The following DNASE1 variants were observed in gnomAD, a reference collection of about 807,000 sequenced individuals.
The protein encoded by DNASE1 is deoxyribonuclease 1.
DNASE1 carries 40 observed loss-of-function variants against 33.9 expected under a neutral mutation model. That is an observed-to-expected ratio of 1.18 (90% CI 0.92 to 1.54). The LOEUF (loss-of-function observed/expected upper bound fraction) is 1.54, where lower values mean the gene tolerates loss of function less well. Among genes scored for constraint, DNASE1 ranks in the 40% most tolerant of loss-of-function variants. The pLI is 0.00. For missense variants in DNASE1, 518 were observed against 372.6 expected, an observed-to-expected ratio of 1.39 and a Z score of -3.21; for synonymous variants, 216 against 160.0, an observed-to-expected ratio of 1.35 and a Z score of -2.64.
chr16:3,622,266 T>G (rs1408458460), intron 1 of DNASE1, among the ~76,000 whole-genome samples: 2 of 146,182 alleles, frequency 1.4e-5, no homozygotes, highest in Non-Finnish European at 3.0e-5. Context: ...CCGTTAACAA[T>G]GAATGTCTTT....
intron 1 of DNASE1, among the ~76,000 whole-genome samples, chr16:3,635,758 C>T (rs956208062): frequency 1.3e-5 from 2 of 151,138 alleles, no homozygotes; most frequent in Non-Finnish European, 2.9e-5. Context: ...ACTGTTTTCC[C>T]TTGAATAATT....
chr16:3,620,537 ATTATAC>A (rs1313258417), intron 1 of DNASE1, among the ~76,000 whole-genome samples: 2 of 151,910 alleles, frequency 1.3e-5, no homozygotes, highest in African/African-American at 4.8e-5. Context: ...AAAAAAAGTA[ATTATAC>A]TATGCATATT....
chr16:3,638,102 TGA>T (rs1314041767), upstream of DNASE1, among the ~76,000 whole-genome samples: 2 of 125,386 alleles, frequency 1.6e-5, no homozygotes, highest in South Asian at 2.6e-4. Flanking sequence ...CCAGTTTTTG[TGA>T]GTGTGTGTGT....
chr16:3,655,425 C>T lies in DNASE1; in HGVS notation c.52C>T (p.Gln18Ter), dbSNP rs1453613578. 5 of 1,613,940 alleles carry T rather than the reference C, an allele frequency of 3.1e-6. No individual in the cohort carries two copies. In the African/African-American group the frequency reaches 4.0e-5, roughly 13 times the overall value. ...GCTGCTGGCACTGGCGGCCCTACTG[C>T]AGGGGGCCGTGTCCCTGAAGATCGC... ...GALLALAALL[Q>*]GAVSLKIAAF... is the part of the protein sequence containing the mutation. The change falls in exon 2 of 9, where the codon CAG becomes TAG. Residue 18 changes from glutamine to a stop codon, truncating the protein, a stop_gained. Transcript: ENST00000246949. LOFTEE classifies it high-confidence loss of function.
downstream of DNASE1, chr16:3,662,197 T>TA: frequency 1.3e-6 from 2 of 1,561,212 alleles, no homozygotes; most frequent in East Asian, 2.3e-5. Context: ...GGCAGGATCT[T>TA]ACCAGGGGTG....
intron 1 of DNASE1, among the ~76,000 whole-genome samples, chr16:3,629,016 A>G (rs1184415004): frequency 6.6e-6 from 1 of 150,848 alleles, no homozygotes; most frequent in East Asian, 2.0e-4. Flanking sequence ...TACTAAAAAT[A>G]CAAACATTTG....
exon 10 of DNASE1, chr16:3,664,757 G>C: frequency 5.6e-6 from 2 of 360,146 alleles, no homozygotes; most frequent in Non-Finnish European, 1.0e-5. Flanking sequence ...AGCAGAGCCC[G>C]GCCTGGACCC....
At chr16:3,642,078 T>C (rs1363267936), upstream of DNASE1, among the ~76,000 whole-genome samples, 1 of 152,168 alleles carries the variant, frequency 6.6e-6, no homozygotes, top group African/African-American at 2.4e-5. Flanking sequence ...TAGTGCAGAC[T>C]AGCACAGAGT....
downstream of DNASE1, chr16:3,661,581 G>A (rs151026140): frequency 6.2e-3 from 1,062 of 171,406 alleles, 8 homozygotes; most frequent in Non-Finnish European, 0.011. Context: ...GACATTATTC[G>A]GCTATGAAAA....
At chr16:3,613,130 C>T (rs2040967812) in intron 1 of DNASE1, among the ~76,000 whole-genome samples, 1 of 152,142 alleles carries the variant, frequency 6.6e-6, no homozygotes, top group Non-Finnish European at 1.5e-5. Flanking sequence ...TTCGTAGTCA[C>T]TCCGCAATTC....
chr16:3,636,892 C>T (rs901350322), intron 1 of DNASE1, among the ~76,000 whole-genome samples: 11 of 151,906 alleles, frequency 7.2e-5, no homozygotes, highest in Admixed American at 2.0e-4. Context: ...GGGAGGCCAA[C>T]GCAGGCTGAT....
chr16:3,616,373 C>G (rs1229948945), intron 1 of DNASE1, among the ~76,000 whole-genome samples: 3 of 152,218 alleles, frequency 2.0e-5, no homozygotes, highest in Non-Finnish European at 4.4e-5. Context: ...GTAATCCCGG[C>G]ATTTTGGGAG....
At chr16:3,650,613 A>AAAAAAAAAAAAAAAAG (rs1567202911), upstream of DNASE1, 1 of 149,216 alleles carries the variant, frequency 6.7e-6, no homozygotes. Flanking sequence ...CAAAAAAAAA[A>AAAAAAAAAAAAAAAAG]AAAAAAAGAA....
intron 5 of DNASE1, 92 bp from the exon 6 acceptor site, chr16:3,656,906 CG>C: frequency 1.9e-6 from 3 of 1,554,804 alleles, no homozygotes; most frequent in East Asian, 2.4e-5. Context: ...ATCCACCCCC[CG>C]GGGGGACTGT....
At chr16:3,650,666 A>T (rs1412721766), upstream of DNASE1, 1 of 152,146 alleles carries the variant, frequency 6.6e-6, no homozygotes. Context: ...TAAATAAGTA[A>T]ACCCCAATAA....
At chr16:3,643,546 C>T (rs1038206058) in intron 1 of DNASE1, among the ~76,000 whole-genome samples, 8 of 152,168 alleles carry the variant, frequency 5.3e-5, no homozygotes, top group African/African-American at 1.4e-4. Flanking sequence ...CACCACGGAG[C>T]GGAGTGGGTG....
upstream of DNASE1, chr16:3,651,537 C>T: frequency 6.6e-6 from 1 of 152,324 alleles, no homozygotes; most frequent in East Asian, 1.9e-4. Context: ...ACCCCACTCA[C>T]TCCCCTGATG....
intron 1 of DNASE1, among the ~76,000 whole-genome samples, chr16:3,618,432 T>G (rs2041185131): frequency 6.6e-6 from 1 of 152,062 alleles, no homozygotes; most frequent in African/African-American, 2.4e-5. Flanking sequence ...CCCAAAAAAT[T>G]GAAAAAGTGT....
At chr16:3,663,073 A>G, downstream of DNASE1, 1 of 846,968 alleles carries the variant, frequency 1.2e-6, no homozygotes, top group South Asian at 1.7e-5. Flanking sequence ...TCCCACCAGG[A>G]TGGAGACACA....
Sources: gnomAD v4.1 joint callset for allele counts (sites outside exome capture counted in the v4.1 genomes callset) on GRCh38, gnomAD v4.1.1 for gene constraint, MANE v1.5 for transcripts, NCBI Gene and HGNC (gene_info 2026-07-23, HGNC 2026-07-21) for gene names.